Variants in TP73 observed in about 807,000 individuals in gnomAD.
The protein encoded by TP73 is p53-like transcription factor.
In TP73, 25 loss-of-function variants were observed where a neutral mutation model predicts 62.5. The ratio of observed to expected loss-of-function variants is 0.40; its 90% CI spans 0.29 to 0.56. The LOEUF (loss-of-function observed/expected upper bound fraction) is 0.56. TP73 is among the 20% of genes least tolerant of loss of function. The pLI, the probability that TP73 is intolerant of heterozygous loss-of-function variation, is 0.46. For missense variants in TP73, 754 were observed against 913.3 expected, an observed-to-expected ratio of 0.83 and a Z score of 2.25; for synonymous variants, 423 against 377.5, an observed-to-expected ratio of 1.12 and a Z score of -1.40.
chr1:3,657,521 C>T (rs541409453), intron 1 of TP73, among the ~76,000 whole-genome samples: 3 of 152,320 alleles, frequency 2.0e-5, no homozygotes, highest in Admixed American at 6.5e-5. Context: ...TTCTGAGGCT[C>T]GTTCCCAGAG....
intron 7 of TP73, 138 bp from the exon 8 acceptor site, chr1:3,727,490 C>T (rs372378806): frequency 1.5e-5 from 19 of 1,281,714 alleles, no homozygotes; most frequent in East Asian, 1.0e-4. Context: ...CGGGAACACT[C>T]GCTGCCGGCA....
intron 4 of TP73, among the ~76,000 whole-genome samples, chr1:3,714,731 T>G (rs1640447839): frequency 6.6e-6 from 1 of 152,228 alleles, no homozygotes; most frequent in South Asian, 2.1e-4. Flanking sequence ...TGTGGTGCTT[T>G]GAACACTCTG....
At chr1:3,718,559 A>C (rs1291824807) in intron 4 of TP73, among the ~76,000 whole-genome samples, 3 of 136,302 alleles carry the variant, frequency 2.2e-5, no homozygotes, top group Non-Finnish European at 4.8e-5. Flanking sequence ...GCAGGGGCCT[A>C]GGGGAGGGGC....
intron 4 of TP73, among the ~76,000 whole-genome samples, chr1:3,715,876 C>T (rs1168616895): frequency 6.6e-6 from 1 of 152,184 alleles, no homozygotes; most frequent in African/African-American, 2.4e-5. Flanking sequence ...CCGATCATAG[C>T]CCAGGATGGA....
rs202188925 is a variant in TP73 at position 3,683,001 on chromosome 1, G to T, written c.66-59G>T. On this transcript the variant is annotated intron_variant, in intron 2 of 13. Coordinates refer to ENST00000378295, the MANE Select transcript of TP73 (RefSeq NM_005427.4). ...TAGCCTTGAGCTCTGGGCCTGGGAG[G>T]TATTGGGGTGACACCCAAACTGGGG... 405 of 1,562,468 alleles carry T rather than the reference G, an allele frequency of 2.6e-4. 2 individuals carry two copies. The highest frequency in any genetic ancestry group is 1.2e-3 in the Middle Eastern group (7 of 5,862).
intron 3 of TP73, among the ~76,000 whole-genome samples, chr1:3,702,417 A>T (rs938073174): frequency 2.6e-5 from 4 of 152,144 alleles, no homozygotes; most frequent in Admixed American, 1.3e-4. Flanking sequence ...GATACCTGTG[A>T]CTGGCCCAGG....
Position 3,707,605 on chromosome 1 carries a change from G to C in TP73, c.243G>C (p.Ser81=), listed in dbSNP as rs145607711. The C allele has an allele frequency of 6.2e-7, 1 of 1,612,588 alleles. No homozygotes were observed. Among genetic ancestry groups the C allele is most frequent in the Non-Finnish European group, 8.5e-7 (1 of 1,179,812 alleles). The change falls in exon 4 of 14, where the codon TCG becomes TCC. Residue 81 remains serine, a synonymous_variant. Transcript: ENST00000378295. ...ACCAGATGAGCAGCCGCGCGGCCTCGGCCAGCCCCTACACCCCAGAGCACG... is the reference window on the plus strand; with the variant it reads ...ACCAGATGAGCAGCCGCGCGGCCTCCGCCAGCCCCTACACCCCAGAGCACG... ...TMDQMSSRAA[S]ASPYTPEHAA... is the part of the protein sequence containing the mutation.
At chr1:3,657,289 G>A (rs968727153) in intron 1 of TP73, among the ~76,000 whole-genome samples, 1 of 152,164 alleles carries the variant, frequency 6.6e-6, no homozygotes, top group Non-Finnish European at 1.5e-5. Context: ...GGGGGCTGCC[G>A]GCCATCCTGT....
At chr1:3,688,459 G>T (rs969701037) in intron 3 of TP73, among the ~76,000 whole-genome samples, 1 of 152,204 alleles carries the variant, frequency 6.6e-6, no homozygotes, top group Non-Finnish European at 1.5e-5. Flanking sequence ...CCTGAAGAGT[G>T]CCGTGGCCTG....
At chr1:3,654,026 T>C (rs1484204882) in intron 1 of TP73, among the ~76,000 whole-genome samples, 1 of 152,008 alleles carries the variant, frequency 6.6e-6, no homozygotes, top group African/African-American at 2.4e-5. Flanking sequence ...ATACAAAAAT[T>C]AGCTGGGCAT....
At chr1:3,729,184 G>A (rs1208403643) in intron 9 of TP73, 143 bp from the exon 10 acceptor site, 2 of 1,151,524 alleles carry the variant, frequency 1.7e-6, no homozygotes, top group South Asian at 1.5e-5. Flanking sequence ...AAGAAGATCA[G>A]GGGATCCTGA....
At chr1:3,679,505 GTC>G (rs1331543515) in intron 1 of TP73, among the ~76,000 whole-genome samples, 2 of 150,000 alleles carry the variant, frequency 1.3e-5, no homozygotes, top group Admixed American at 1.3e-4. Flanking sequence ...CTCTCTCCCT[GTC>G]TCTCTGTCTC....
At position 3,689,464 on chromosome 1, in the gene TP73, A is replaced by G. The variant is rs1481398825; in HGVS notation, c.186+6284A>G. ...TCTCCAGGCCCCAGCCCCTTGGGGC[A>G]CAACACCTGGAATCGTCCTTTCGTC... On this transcript the variant is annotated intron_variant, in intron 3 of 13. Coordinates refer to ENST00000378295, the MANE Select transcript of TP73 (RefSeq NM_005427.4). 2.0e-5 allele frequency among the ~76,000 whole-genome samples: 3 copies of G among 152,084 alleles called. No individual in the cohort carries two copies. In the South Asian group the frequency reaches 6.2e-4, roughly 32 times the overall value.
chr1:3,714,462 G>A (rs1640424893), intron 4 of TP73, among the ~76,000 whole-genome samples: 1 of 152,230 alleles, frequency 6.6e-6, no homozygotes, highest in Non-Finnish European at 1.5e-5. Context: ...GAGGATGGTG[G>A]GGGCAAGGAT....
intron 4 of TP73, among the ~76,000 whole-genome samples, chr1:3,718,210 CCGGGG>C (rs575938054): frequency 5.9e-5 from 9 of 152,196 alleles, no homozygotes; most frequent in East Asian, 3.9e-4. Flanking sequence ...AAGCTCCTCC[CCGGGG>C]CGGGGCGGGG....
In TP73 at chr1:3,733,781, C is replaced by T. The variant is rs1642308568; in HGVS notation, c.*702C>T. The stretch of plus-strand genomic sequence containing the variant: ...AGGCGCGGGGAAGCATGTGGTACCG[C>T]CTCAGCCAGTGCCCCTCAGCCTGGC... On this transcript the variant is annotated 3_prime_UTR_variant, in exon 14 of 14. Coordinates refer to ENST00000378295, the MANE Select transcript of TP73 (RefSeq NM_005427.4). The T allele has an allele frequency of 6.6e-6, 1 of 152,322 alleles. No individual in the cohort carries two copies. 9.4% of individuals were successfully genotyped at this position (152,322 alleles called of 1,614,324 possible). A position where few individuals can be genotyped will look rare whatever the true frequency, so the allele number is the denominator to read the frequency against.
intron 1 of TP73, among the ~76,000 whole-genome samples, 168 bp from the exon 2 acceptor site, chr1:3,682,164 AG>A (rs1645539448): frequency 6.6e-6 from 1 of 152,178 alleles, no homozygotes. Context: ...CGCGGGGAAC[AG>A]GGTGGACGAA....
intron 3 of TP73, among the ~76,000 whole-genome samples, chr1:3,688,322 G>A (rs565403405): frequency 1.6e-4 from 25 of 152,338 alleles, no homozygotes; most frequent in African/African-American, 5.5e-4. Context: ...TCCATGCGGT[G>A]GGATGAAGCC....
At chr1:3,728,032 T>C (rs1054834832) in intron 8 of TP73, 97 bp from the exon 9 acceptor site, 3 of 1,326,564 alleles carry the variant, frequency 2.3e-6, no homozygotes, top group Non-Finnish European at 3.1e-6. Flanking sequence ...GGAGAATCGA[T>C]TGGCCCCAAG....
Sources: gnomAD v4.1 joint callset for allele counts (sites outside exome capture counted in the v4.1 genomes callset) on GRCh38, gnomAD v4.1.1 for gene constraint, MANE v1.5 for transcripts, NCBI Gene and HGNC (gene_info 2026-07-23, HGNC 2026-07-21) for gene names.